Variants in GRAMD2B observed in about 807,000 individuals in gnomAD.
GRAMD2B encodes the protein GRAM domain containing 2B.
GRAMD2B carries 41 observed loss-of-function variants against 59.2 expected under a neutral mutation model. The observed-to-expected ratio is 0.69, with a 90% CI of 0.54 to 0.90. The LOEUF is 0.90. Among genes scored for constraint, GRAMD2B ranks in the 40% least tolerant of loss-of-function variants. GRAMD2B has a pLI of 0.00. For synonymous variants in GRAMD2B, 161 were observed against 182.7 expected, an observed-to-expected ratio of 0.88 and a Z score of 0.96; for missense variants, 424 against 500.5, an observed-to-expected ratio of 0.85 and a Z score of 1.46.
At chr5:126,421,529 G>A (rs2149775926), upstream of GRAMD2B, among the ~76,000 whole-genome samples, 1 of 152,280 alleles carries the variant, frequency 6.6e-6, no homozygotes, top group East Asian at 1.9e-4. Context: ...ATCCCACCTA[G>A]CACAGCTCCT....
At position 126,493,111 on chromosome 5, in the gene GRAMD2B, A is replaced by C. The variant is rs4358517; in HGVS notation, c.*155A>C. On this transcript the variant is annotated 3_prime_UTR_variant, in exon 14 of 14. Coordinates refer to ENST00000285689, the MANE Select transcript of GRAMD2B (RefSeq NM_023927.4). ...TGGAGGTCTCCAGCTCAGGAAAGTG[A>C]GGAGGGAAATAATTTTGGTTCTTGT... The C allele has an allele frequency of 3.3e-6, 2 of 598,698 alleles. No individual in the cohort carries two copies. The highest frequency in any genetic ancestry group is 5.9e-5 in the Admixed American group (2 of 33,692). 37.1% of individuals were successfully genotyped at this position (598,698 alleles called of 1,614,324 possible).
chr5:126,482,852 C>T (rs1463927348), intron 8 of GRAMD2B, among the ~76,000 whole-genome samples: 1 of 152,160 alleles, frequency 6.6e-6, no homozygotes, highest in South Asian at 2.1e-4. Context: ...TTTGGGGAAC[C>T]AGTAGAATAC....
chr5:126,485,789 T>C lies in GRAMD2B; in HGVS notation c.1058+16T>C. 6.8e-7 allele frequency: 1 copy of C among 1,459,910 alleles called. No homozygotes were observed. The highest frequency in any genetic ancestry group is 9.5e-7 in the Non-Finnish European group (1 of 1,047,610). 90.4% of individuals were successfully genotyped at this position (1,459,910 alleles called of 1,614,324 possible). ...ATGCAATTGTGTAAGTACATGAATT[T>C]ACTGTGAGTGACTAAGAAAATGATT... On this transcript the variant is annotated intron_variant, in intron 11 of 13. Transcript: ENST00000285689.
chr5:126,482,297 G>C (rs1772029380), intron 8 of GRAMD2B, among the ~76,000 whole-genome samples: 1 of 152,164 alleles, frequency 6.6e-6, no homozygotes, highest in Admixed American at 6.6e-5. Flanking sequence ...CCACTGAATT[G>C]TATACTTTTA....
At chr5:126,433,015 G>C (rs1394040096) in intron 1 of GRAMD2B, among the ~76,000 whole-genome samples, 1 of 152,190 alleles carries the variant, frequency 6.6e-6, no homozygotes, top group East Asian at 1.9e-4. Flanking sequence ...ACCATGCTAA[G>C]TGTCTTGAAT....
chr5:126,373,861 C>T (rs1026355460), intron 1 of GRAMD2B, among the ~76,000 whole-genome samples: 1 of 152,046 alleles, frequency 6.6e-6, no homozygotes, highest in African/African-American at 2.4e-5. Flanking sequence ...GAGGAAACTG[C>T]GAAGAGTGGC....
chr5:126,463,956 A>C (rs922979044), intron 1 of GRAMD2B, among the ~76,000 whole-genome samples: 2 of 151,814 alleles, frequency 1.3e-5, no homozygotes, highest in Non-Finnish European at 2.9e-5. Flanking sequence ...AATCTCTAGG[A>C]GGCAGTGGTT....
intron 1 of GRAMD2B, among the ~76,000 whole-genome samples, chr5:126,449,254 A>G (rs550107805): frequency 6.6e-6 from 1 of 152,370 alleles, no homozygotes; most frequent in South Asian, 2.1e-4. Flanking sequence ...AGTTAGTTAT[A>G]TTTAAAATAT....
intron 2 of GRAMD2B, chr5:126,467,415 G>T (rs1768655941): frequency 6.6e-6 from 1 of 152,068 alleles, no homozygotes; most frequent in Admixed American, 6.6e-5. Flanking sequence ...AAGACCCAAA[G>T]AAATCCATAT....
intron 1 of GRAMD2B, among the ~76,000 whole-genome samples, chr5:126,410,502 G>T (rs1304209939): frequency 6.6e-6 from 1 of 151,846 alleles, no homozygotes; most frequent in East Asian, 1.9e-4. Context: ...TCTGTTATTG[G>T]TGTATAAGAA....
exon 1 of GRAMD2B, chr5:126,360,282 C>A: frequency 6.5e-7 from 1 of 1,547,044 alleles, no homozygotes; most frequent in South Asian, 1.2e-5. Flanking sequence ...ATACAAAGTT[C>A]CTTCCCGACA....
At chr5:126,478,596 C>A (rs1484849991) in intron 6 of GRAMD2B, among the ~76,000 whole-genome samples, 1 of 151,644 alleles carries the variant, frequency 6.6e-6, no homozygotes, top group East Asian at 2.0e-4. Context: ...CAAAAATTAG[C>A]CGGGTTTGGT....
intron 1 of GRAMD2B, among the ~76,000 whole-genome samples, chr5:126,374,261 C>A (rs188200172): frequency 6.6e-6 from 1 of 152,314 alleles, no homozygotes; most frequent in East Asian, 1.9e-4. Flanking sequence ...CTTTTTCAAT[C>A]TGCAAGGTGT....
chr5:126,445,760 C>T (rs1230350963), intron 1 of GRAMD2B: 1 of 152,232 alleles, frequency 6.6e-6, no homozygotes, highest in East Asian at 1.9e-4. Flanking sequence ...ATTCTGTTCA[C>T]AACCATAATT....
Position 126,473,261 on chromosome 5 carries a change from C to T in GRAMD2B, c.383-4C>T, listed in dbSNP as rs185045413. 13 of 1,205,510 alleles carry T rather than the reference C, an allele frequency of 1.1e-5. No homozygotes were observed. In the Admixed American group the frequency reaches 1.4e-4, roughly 13 times the overall value. The allele number at this position is 1,205,510 out of a possible 1,614,324, so 74.7% of individuals were successfully genotyped here. A position where few individuals can be genotyped will look rare whatever the true frequency, so the allele number is the denominator to read the frequency against. The stretch of plus-strand genomic sequence containing the variant: ...TGATGCTGTGCCTGTGTATATTTTC[C>T]CAGGCTTTACCTGTGCTCTACAGAA... On this transcript the variant is annotated splice_polypyrimidine_tract_variant and splice_region_variant and intron_variant, in intron 4 of 13. Transcript: ENST00000285689.
chr5:126,490,102 T>C (rs1452681418), intron 13 of GRAMD2B, among the ~76,000 whole-genome samples: 1 of 152,198 alleles, frequency 6.6e-6, no homozygotes, highest in East Asian at 1.9e-4. Flanking sequence ...GAAAGTTCTT[T>C]ACATCGAGAA....
At position 126,393,030 on chromosome 5, in the gene GRAMD2B, C is replaced by T. The variant is rs982047204; in HGVS notation, c.125+21463C>T. ...TTTGTTACAAAATACATAATTACAC[C>T]GCAGGACTCAAAGTTCACGCAAGAA... On this transcript the variant is annotated intron_variant, in intron 1 of 8. Coordinates refer to the GRAMD2B transcript ENST00000506445. 3.9e-5 allele frequency among the ~76,000 whole-genome samples: 6 copies of T among 152,102 alleles called. No homozygotes were observed. In the East Asian group the frequency reaches 5.8e-4, roughly 15 times the overall value.
intron 5 of GRAMD2B, among the ~76,000 whole-genome samples, chr5:126,477,094 C>A (rs768550142): frequency 2.0e-5 from 3 of 152,140 alleles, no homozygotes; most frequent in Admixed American, 2.0e-4. Context: ...ATTCCTAATC[C>A]AAAAATCCAA....
intron 1 of GRAMD2B, among the ~76,000 whole-genome samples, chr5:126,449,939 A>T (rs980612043): frequency 6.6e-6 from 1 of 151,318 alleles, no homozygotes; most frequent in Non-Finnish European, 1.5e-5. Flanking sequence ...GCAGAGTTTG[A>T]GTGAGGGAGA....
Sources: allele counts gnomAD v4.1 joint callset (sites outside exome capture counted in the v4.1 genomes callset), GRCh38; gene constraint gnomAD v4.1.1; transcripts MANE v1.5; gene names NCBI Gene and HGNC (gene_info 2026-07-23, HGNC 2026-07-21).